Variants in TMEM132C observed in about 807,000 individuals in gnomAD.
TMEM132C encodes the protein transmembrane protein 132C, also known as protein phosphatase 1, regulatory subunit 152.
A neutral mutation model predicts 61.4 loss-of-function variants in TMEM132C; 29 were observed. The observed-to-expected ratio is 0.47, with a 90% CI of 0.35 to 0.64. The LOEUF (loss-of-function observed/expected upper bound fraction) is 0.64. Among genes scored for constraint, TMEM132C ranks in the 30% least tolerant of loss-of-function variants. TMEM132C has a pLI of 0.00. For missense variants in TMEM132C, 1,408 were observed against 1,476.9 expected (o/e 0.95, Z 0.76); for synonymous variants, 656 against 633.1 (o/e 1.04, Z -0.54).
chr12:128,299,161 A>C (rs138457481), intron 1 of TMEM132C, among the ~76,000 whole-genome samples: 1 of 152,288 alleles, frequency 6.6e-6, no homozygotes, highest in African/African-American at 2.4e-5. Context: ...GGAAGGTGAT[A>C]AATTTTCTGA....
chr12:128,359,880 T>A (rs186436888), intron 1 of TMEM132C, among the ~76,000 whole-genome samples: 1 of 152,296 alleles, frequency 6.6e-6, no homozygotes, highest in African/African-American at 2.4e-5. Flanking sequence ...TAAAACTAAT[T>A]TGAAGCATGC....
At chr12:128,509,535 T>C (rs1242207215) in intron 2 of TMEM132C, among the ~76,000 whole-genome samples, 1 of 152,188 alleles carries the variant, frequency 6.6e-6, no homozygotes, top group Non-Finnish European at 1.5e-5. Context: ...GGAGGCAGTT[T>C]TTGCATGACT....
intron 1 of TMEM132C, among the ~76,000 whole-genome samples, chr12:128,274,168 C>G (rs1053808887): frequency 1.3e-5 from 2 of 152,162 alleles, no homozygotes; most frequent in Non-Finnish European, 2.9e-5. Flanking sequence ...CCCAGAGAGA[C>G]TGATTTCTTG....
chr12:128,379,066 A>C (rs1478262831), intron 1 of TMEM132C, among the ~76,000 whole-genome samples: 1 of 152,114 alleles, frequency 6.6e-6, no homozygotes, highest in Non-Finnish European at 1.5e-5. Context: ...TTTCTTTGTA[A>C]ATGGCCCAGT....
intron 2 of TMEM132C, among the ~76,000 whole-genome samples, chr12:128,476,937 G>A (rs1314001000): frequency 6.6e-6 from 1 of 152,190 alleles, no homozygotes; most frequent in South Asian, 2.1e-4. Flanking sequence ...AACCAAATCT[G>A]TACATAAAAT....
At chr12:128,572,991 T>C (rs1269121775) in intron 3 of TMEM132C, among the ~76,000 whole-genome samples, 1 of 152,262 alleles carries the variant, frequency 6.6e-6, no homozygotes, top group Non-Finnish European at 1.5e-5. Flanking sequence ...GGAACACTTT[T>C]ACATTGTTGG....
At chr12:128,625,384 T>C (rs948908810) in intron 4 of TMEM132C, among the ~76,000 whole-genome samples, 10 of 152,136 alleles carry the variant, frequency 6.6e-5, no homozygotes, top group Non-Finnish European at 1.3e-4. Flanking sequence ...GCAAATGAGC[T>C]CTCTGAAGTC....
intron 4 of TMEM132C, among the ~76,000 whole-genome samples, chr12:128,619,590 G>A (rs1250083041): frequency 6.6e-6 from 1 of 152,172 alleles, no homozygotes; most frequent in Non-Finnish European, 1.5e-5. Flanking sequence ...GCCTTGTGAG[G>A]GCAGGAAAGC....
chr12:128,463,012 C>T (rs560440637), intron 2 of TMEM132C, among the ~76,000 whole-genome samples: 3 of 152,056 alleles, frequency 2.0e-5, no homozygotes, highest in African/African-American at 7.2e-5. Context: ...GTGTCTGGCT[C>T]GTGGCTGCAG....
chr12:128,332,824 A>G (rs1327119858), intron 1 of TMEM132C, among the ~76,000 whole-genome samples: 1 of 151,272 alleles, frequency 6.6e-6, no homozygotes, highest in African/African-American at 2.5e-5. Context: ...GATTATCTTT[A>G]TTCTTCAAGG....
intron 2 of TMEM132C, among the ~76,000 whole-genome samples, chr12:128,508,740 T>C (rs1565957154): frequency 6.6e-6 from 1 of 152,224 alleles, no homozygotes; most frequent in Admixed American, 6.5e-5. Flanking sequence ...TTCATTTTCC[T>C]GTTTGCAGCC....
At chr12:128,530,224 G>T (rs1873238453) in intron 2 of TMEM132C, among the ~76,000 whole-genome samples, 1 of 152,096 alleles carries the variant, frequency 6.6e-6, no homozygotes, top group Non-Finnish European at 1.5e-5. Context: ...CAAGATGCCG[G>T]GGACAGTTTT....
In TMEM132C at chr12:128,677,906, C is replaced by G. The variant is rs566900708; in HGVS notation, c.1449+8346C>G. 7.2e-5 allele frequency among the ~76,000 whole-genome samples: 11 copies of G among 152,348 alleles called. No individual in the cohort carries two copies. The South Asian group carries it at 1.7e-3, about 23-fold the overall frequency. ...GGCTTTTCCCCAGTGACCAAAGGTG[C>G]CTGCGTTAGCTCCGGCACATGGAGA... is the stretch of plus-strand genomic sequence containing the variant. On this transcript the variant is annotated intron_variant, in intron 5 of 8. Coordinates refer to ENST00000435159, the MANE Select transcript of TMEM132C (RefSeq NM_001136103.3).
intron 4 of TMEM132C, among the ~76,000 whole-genome samples, chr12:128,631,567 T>G (rs1413514148): frequency 6.6e-6 from 1 of 152,238 alleles, no homozygotes; most frequent in Non-Finnish European, 1.5e-5. Flanking sequence ...GTGGAAGATT[T>G]TGAATTCCTG....
At chr12:128,331,712 A>C (rs1299244648) in intron 1 of TMEM132C, among the ~76,000 whole-genome samples, 1 of 152,162 alleles carries the variant, frequency 6.6e-6, no homozygotes, top group Non-Finnish European at 1.5e-5. Context: ...TGCTGTTGTG[A>C]ATAGTGCTGC....
intron 2 of TMEM132C, among the ~76,000 whole-genome samples, chr12:128,464,797 G>GAGAGAAAGA (rs1291545708): frequency 9.6e-6 from 1 of 104,694 alleles, no homozygotes; most frequent in African/African-American, 4.4e-5. Flanking sequence ...AGAAAGAGAG[G>GAGAGAAAGA]GAGGGAGGGA....
At chr12:128,636,564 TTGTGTGTGTGTGTGTGTGTGTGTGTG>T in intron 4 of TMEM132C, among the ~76,000 whole-genome samples, 1 of 142,346 alleles carries the variant, frequency 7.0e-6, no homozygotes. Context: ...GGGTTTTTGT[TTGTGTGTGTGTGTGTGTGTGTGTGTG>T]TGTGTGTGTG....
intron 3 of TMEM132C, among the ~76,000 whole-genome samples, chr12:128,575,487 A>C (rs1325742188): frequency 6.6e-6 from 1 of 151,912 alleles, no homozygotes; most frequent in Non-Finnish European, 1.5e-5. Flanking sequence ...TCAAAAAGAA[A>C]AAAAAAAGAA....
chr12:128,374,246 C>A (rs1874116582), intron 1 of TMEM132C, among the ~76,000 whole-genome samples: 1 of 152,072 alleles, frequency 6.6e-6, no homozygotes, highest in Admixed American at 6.6e-5. Flanking sequence ...GAAACTAGGA[C>A]CCTCCATGGT....
Sources: gnomAD v4.1 joint callset for allele counts (sites outside exome capture counted in the v4.1 genomes callset) on GRCh38, gnomAD v4.1.1 for gene constraint, MANE v1.5 for transcripts, NCBI Gene and HGNC (gene_info 2026-07-23, HGNC 2026-07-21) for gene names.